GLG1: variants seen among roughly 807,000 people sequenced by gnomAD.
GLG1 encodes the protein Golgi apparatus protein 1.
GLG1 carries 38 observed loss-of-function variants against 160.5 expected under a neutral mutation model. The observed-to-expected ratio is 0.24, with a 90% CI of 0.18 to 0.31. GLG1 has a LOEUF of 0.31. Ranked by LOEUF, GLG1 falls within the 10% of genes least tolerant of loss-of-function variation. The pLI is 1.00. For missense variants in GLG1, 1,373 were observed against 1,505.2 expected (o/e 0.91, Z 1.45); for synonymous variants, 644 against 543.4 (o/e 1.19, Z -2.57).
chr16:74,513,983 T>C (rs548482075), intron 2 of GLG1, among the ~76,000 whole-genome samples: 1 of 152,160 alleles, frequency 6.6e-6, no homozygotes, highest in African/African-American at 2.4e-5. Context: ...TACGAGAACT[T>C]CGTGAAGCAT....
chr16:74,544,430 C>T (rs572841972), intron 1 of GLG1, among the ~76,000 whole-genome samples: 30 of 152,224 alleles, frequency 2.0e-4, no homozygotes, highest in Middle Eastern at 3.4e-3. Context: ...TCTCCTGCTT[C>T]GTGTGAGAAT....
At chr16:74,489,782 C>G (rs2015918590) in intron 8 of GLG1, among the ~76,000 whole-genome samples, 1 of 152,222 alleles carries the variant, frequency 6.6e-6, no homozygotes, top group South Asian at 2.1e-4. Context: ...CACACACACA[C>G]ACAGACACAC....
Position 74,452,526 on chromosome 16 carries a change from T to C in GLG1, c.*641A>G. 4 of 1,013,660 alleles carry C rather than the reference T, an allele frequency of 3.9e-6. No homozygotes were observed. Among genetic ancestry groups the C allele is most frequent in the Non-Finnish European group, 4.7e-6 (4 of 846,172 alleles). 62.8% of individuals were successfully genotyped at this position (1,013,660 alleles called of 1,614,324 possible). Reference sequence around the variant, plus strand: ...TGTGACCAGCAGTGGCTGATTAGGGTGGAAACTGGAAAGCGTCACTGTCTC... The same window carrying C: ...TGTGACCAGCAGTGGCTGATTAGGGCGGAAACTGGAAAGCGTCACTGTCTC... On this transcript the variant is annotated 3_prime_UTR_variant, in exon 26 of 26. Transcript: ENST00000422840.
intron 4 of GLG1, among the ~76,000 whole-genome samples, chr16:74,502,805 C>T (rs1322750177): frequency 2.1e-5 from 3 of 144,602 alleles, no homozygotes; most frequent in Non-Finnish European, 3.0e-5. Flanking sequence ...CTCCTGACCT[C>T]GTGATCTGCC....
intron 9 of GLG1, among the ~76,000 whole-genome samples, chr16:74,484,270 T>G (rs1430823178): frequency 6.6e-6 from 1 of 152,160 alleles, no homozygotes; most frequent in Non-Finnish European, 1.5e-5. Context: ...TATGGCCAAA[T>G]GCAGGCTATA....
chr16:74,484,763 CTAAAAA>C (rs376295806), intron 9 of GLG1, among the ~76,000 whole-genome samples: 1 of 152,020 alleles, frequency 6.6e-6, no homozygotes, highest in African/African-American at 2.4e-5. Flanking sequence ...AAGATTCTGT[CTAAAAA>C]TAAAAATAAA....
intron 1 of GLG1, among the ~76,000 whole-genome samples, chr16:74,593,730 T>C (rs8062959): frequency 0.71 from 107,897 of 151,670 alleles, 38,976 homozygotes; most frequent in African/African-American, 0.83. Context: ...CCACCACACC[T>C]GGCCAGGTAC....
intron 1 of GLG1, among the ~76,000 whole-genome samples, chr16:74,553,125 C>G (rs901238329): frequency 1.3e-5 from 2 of 150,910 alleles, no homozygotes; most frequent in African/African-American, 2.4e-5. Context: ...GAGGCTGAGG[C>G]AGAAGAATCA....
intron 25 of GLG1, 132 bp from the exon 26 acceptor site, chr16:74,453,466 G>C: frequency 1.6e-6 from 1 of 623,438 alleles, no homozygotes; most frequent in African/African-American, 1.8e-5. Context: ...CAGGAGATAA[G>C]AAAAATCAAC....
chr16:74,537,611 C>T (rs2017722175), intron 1 of GLG1, among the ~76,000 whole-genome samples: 1 of 143,792 alleles, frequency 7.0e-6, no homozygotes, highest in Admixed American at 7.2e-5. Flanking sequence ...CTATCACCAT[C>T]TCAAAAAGAT....
intron 2 of GLG1, among the ~76,000 whole-genome samples, chr16:74,509,582 G>C (rs1382866276): frequency 6.6e-6 from 1 of 151,924 alleles, no homozygotes; most frequent in African/African-American, 2.4e-5. Flanking sequence ...AGGCGCGGTG[G>C]CTGACGCCTG....
chr16:74,537,208 T>C (rs1367167821), intron 1 of GLG1, among the ~76,000 whole-genome samples: 1 of 152,098 alleles, frequency 6.6e-6, no homozygotes, highest in Non-Finnish European at 1.5e-5. Context: ...CCCATCCCAA[T>C]GCATCAGTGA....
At chr16:74,603,054 C>T (rs1364449992) in intron 1 of GLG1, among the ~76,000 whole-genome samples, 1 of 151,882 alleles carries the variant, frequency 6.6e-6, no homozygotes, top group African/African-American at 2.4e-5. Context: ...TGTGCCACTG[C>T]ACTCCAGCCT....
intron 1 of GLG1, among the ~76,000 whole-genome samples, chr16:74,599,720 C>T (rs1414269541): frequency 1.3e-5 from 2 of 152,068 alleles, no homozygotes; most frequent in African/African-American, 4.8e-5. Context: ...AAAAATTAGC[C>T]GGGCATGGTG....
intron 1 of GLG1, among the ~76,000 whole-genome samples, chr16:74,572,526 A>C (rs1192538042): frequency 2.9e-5 from 4 of 136,034 alleles, no homozygotes; most frequent in Non-Finnish European, 6.6e-5. Flanking sequence ...AAAAAAACAA[A>C]CAAAAAAAAA....
chr16:74,573,581 C>CTTTTTTTT, intron 1 of GLG1, among the ~76,000 whole-genome samples: 1 of 102,662 alleles, frequency 9.7e-6, no homozygotes, highest in Non-Finnish European at 1.9e-5. Flanking sequence ...TTTATCTTGC[C>CTTTTTTTT]TTTTTTTTTT....
chr16:74,502,142 T>C (rs1361403812), intron 4 of GLG1, among the ~76,000 whole-genome samples: 1 of 152,190 alleles, frequency 6.6e-6, no homozygotes, highest in Non-Finnish European at 1.5e-5. Flanking sequence ...GGTTTTATTT[T>C]CCATCATATT....
rs774236674 is a variant in GLG1, at chr16:74,493,058, C to G, written c.1133G>C (p.Ser378Thr). The change falls in exon 7 of 26, where the codon AGT becomes ACT. Residue 378 changes from serine (S) to threonine (T), a missense_variant. Ser to Thr is a moderately conservative substitution (Grantham distance 58). Transcript: ENST00000422840. ...ATTGCACCGGTATTTCTTCAAGTCA[C>G]TTTTACAGGATTTGGCCAATGAATA... Reference protein sequence around the residue: ...VSYSLAKSCKSDLKKYRCNVE... With the variant: ...VSYSLAKSCKTDLKKYRCNVE... 2 of 1,613,872 alleles carry G rather than the reference C, an allele frequency of 1.2e-6. No homozygotes were observed. Among genetic ancestry groups the G allele is most frequent in the South Asian group, 2.2e-5 (2 of 91,068 alleles).
chr16:74,583,058 ATCT>A (rs1355127124), intron 1 of GLG1, among the ~76,000 whole-genome samples: 2 of 151,868 alleles, frequency 1.3e-5, no homozygotes, highest in African/African-American at 4.8e-5. Context: ...ACTCCTGTAA[ATCT>A]TCTTGTAACT....
Sources: gnomAD v4.1 joint callset for allele counts (sites outside exome capture counted in the v4.1 genomes callset) on GRCh38, gnomAD v4.1.1 for gene constraint, MANE v1.5 for transcripts, NCBI Gene and HGNC (gene_info 2026-07-23, HGNC 2026-07-21) for gene names.